Variants in NME2 observed in about 807,000 individuals in gnomAD.
The protein encoded by NME2 is nucleoside diphosphate kinase B.
A neutral mutation model predicts 17.8 loss-of-function variants in NME2; 18 were observed. That is an observed-to-expected ratio of 1.01 (90% CI 0.70 to 1.50). The LOEUF (loss-of-function observed/expected upper bound fraction) is 1.50. Among genes scored for constraint, NME2 ranks in the 40% most tolerant of loss-of-function variants. NME2 has a pLI of 0.00. For synonymous variants in NME2, 74 were observed against 71.4 expected (o/e 1.04, Z -0.19); for missense variants, 161 against 195.6 (o/e 0.82, Z 1.05).
chr17:51,168,263 C>G lies in NME2; in HGVS notation c.148C>G (p.Gln50Glu). The G allele has an allele frequency of 6.2e-7, 1 of 1,613,892 alleles. No individual in the cohort carries two copies. The highest frequency in any genetic ancestry group is 8.5e-7 in the Non-Finnish European group (1 of 1,179,870). ...CCAGGCCTCTGAAGAACACCTGAAG[C>G]AGCACTACATTGACCTGAAAGACCG... is the stretch of plus-strand genomic sequence containing the variant. ...FLRASEEHLK[Q>E]HYIDLKDRPF... Residue 50 changes from glutamine (Q) to glutamate (E), a missense_variant, in exon 3 of 5, where the codon CAG becomes GAG. By Grantham distance (29) the Gln-to-Glu change is conservative. Coordinates refer to ENST00000512737, the MANE Select transcript of NME2 (RefSeq NM_002512.4).
intron 3 of NME2, 113 bp from the exon 4 acceptor site, chr17:51,169,824 A>C: frequency 1.1e-6 from 1 of 919,332 alleles, no homozygotes; most frequent in Non-Finnish European, 1.7e-6. Flanking sequence ...GTTAGCTGAT[A>C]ATCATGTCAC....
intron 1 of NME2, 133 bp from the exon 2 acceptor site, chr17:51,166,694 G>A (rs2049946583): frequency 1.0e-6 from 1 of 964,730 alleles, no homozygotes; most frequent in Non-Finnish European, 1.4e-6. Context: ...TGCGCGGGGC[G>A]GAAGCGGCCG....
At chr17:51,167,294 C>T (rs1259577856) in intron 2 of NME2, 1 of 360,782 alleles carries the variant, frequency 2.8e-6, no homozygotes, top group Non-Finnish European at 5.2e-6. Context: ...TCGGGTCCAC[C>T]TAGGCACAGA....
rs2049989738 is a variant in NME2 at position 51,168,280 on chromosome 17, G to C, written c.165G>C (p.Leu55=). ...EEHLKQHYID[L]KDRPFFPGLV... ...ACCTGAAGCAGCACTACATTGACCT[G>C]AAAGACCGACCATTCTTCCCTGGGC... is the stretch of plus-strand genomic sequence containing the variant. Residue 55 remains leucine, a synonymous_variant, in exon 3 of 5, where the codon CTG becomes CTC. Coordinates refer to ENST00000512737, the MANE Select transcript of NME2 (RefSeq NM_002512.4). 6 of 1,614,022 alleles carry C rather than the reference G, an allele frequency of 3.7e-6. No individual in the cohort carries two copies. The East Asian group carries it at 1.1e-4, about 30-fold the overall frequency.
chr17:51,167,269 C>G, intron 2 of NME2: 1 of 400,526 alleles, frequency 2.5e-6, no homozygotes, highest in Non-Finnish European at 4.6e-6. Flanking sequence ...CCCCAGACCC[C>G]CTGCGCCTGC....
chr17:51,166,714 G>C, intron 1 of NME2, 113 bp from the exon 2 acceptor site: 1 of 1,181,178 alleles, frequency 8.5e-7, no homozygotes, highest in Non-Finnish European at 1.1e-6. Flanking sequence ...GGGAAGCCAC[G>C]TGTCCCCGCG....
At chr17:51,169,832 C>CT (rs1429691202) in intron 3 of NME2, 105 bp from the exon 4 acceptor site, 1 of 992,586 alleles carries the variant, frequency 1.0e-6, no homozygotes, top group Non-Finnish European at 1.6e-6. Context: ...ATAATCATGT[C>CT]ACTGATCGGT....
intron 4 of NME2, 131 bp downstream of exon 4, chr17:51,170,180 C>A: frequency 1.4e-6 from 1 of 708,046 alleles, no homozygotes; most frequent in Non-Finnish European, 2.2e-6. Context: ...GAGTCTCCTT[C>A]TGCCTAGCTG....
chr17:51,166,046 G>A (rs79551890), upstream of NME2: 791 of 153,144 alleles, frequency 5.2e-3, 6 homozygotes, highest in African/African-American at 0.018. Flanking sequence ...TAATGCCGGT[G>A]CTCGGGCGGA....
chr17:51,168,479 T>G lies in NME2; in HGVS notation c.228+136T>G. Reference sequence around the variant, plus strand: ...GTTACTTAACTGAGCAACTAGGAGCTTGGGAGGAGAAAGCAAATCAGACCT... The same window carrying G: ...GTTACTTAACTGAGCAACTAGGAGCGTGGGAGGAGAAAGCAAATCAGACCT... On this transcript the variant is annotated intron_variant, in intron 3 of 4. Coordinates refer to ENST00000512737, the MANE Select transcript of NME2 (RefSeq NM_002512.4). 7.0e-6 allele frequency: 6 copies of G among 853,280 alleles called. No homozygotes were observed. The South Asian group carries it at 8.6e-5, about 12-fold the overall frequency. 52.9% of individuals were successfully genotyped at this position (853,280 alleles called of 1,614,324 possible). A position where few individuals can be genotyped will look rare whatever the true frequency, so the allele number is the denominator to read the frequency against.
rs747418949 is a variant in NME2 at position 51,170,063 on chromosome 17, CAGG to C, written c.341+18_341+20del. 2.1e-5 allele frequency: 33 copies of C among 1,595,674 alleles called. No homozygotes were observed. Among genetic ancestry groups the C allele is most frequent in the Non-Finnish European group, 2.8e-5 (33 of 1,171,038 alleles). On this transcript the variant is annotated intron_variant, in intron 4 of 4. Transcript: ENST00000512737. ...TCAGGTTGGCAGGTAAGTCCGGGGACAGGAGGGTGGATGACTTTTATGCAACAC... is the reference window on the plus strand; with the variant it reads ...TCAGGTTGGCAGGTAAGTCCGGGGACAGGGTGGATGACTTTTATGCAACAC...
At chr17:51,171,419 T>C (rs766083734) in intron 4 of NME2, 68 bp from the exon 5 acceptor site, 1 of 1,395,922 alleles carries the variant, frequency 7.2e-7, no homozygotes. Flanking sequence ...GTGCTGTCCA[T>C]TGCGGTACCC....
chr17:51,169,767 A>T, intron 3 of NME2, 170 bp from the exon 4 acceptor site: 1 of 568,856 alleles, frequency 1.8e-6, no homozygotes, highest in South Asian at 2.3e-5. Context: ...AATCCTAGCA[A>T]TACGTTTGGA....
At chr17:51,166,798 G>A (rs929304765) in intron 1 of NME2, 29 bp from the exon 2 acceptor site, 13 of 1,585,164 alleles carry the variant, frequency 8.2e-6, no homozygotes, top group Admixed American at 1.8e-5. Context: ...GCCTGCGCCC[G>A]GGCCCTGACC....
intron 4 of NME2, 93 bp downstream of exon 4, chr17:51,170,142 C>CT (rs112707943): frequency 0.13 from 80,942 of 609,114 alleles, 1 homozygote; most frequent in South Asian, 0.18. Context: ...AATCTGTGCC[C>CT]TTTTTTTTTT....
chr17:51,167,009 T>TC (rs2049957477), intron 2 of NME2, 53 bp downstream of exon 2: 1 of 1,608,392 alleles, frequency 6.2e-7, no homozygotes, highest in Admixed American at 1.7e-5. Context: ...CGGGTGTTTT[T>TC]CCCTCCCGGC....
chr17:51,170,067 A>G lies in NME2; in HGVS notation c.341+18A>G, dbSNP rs776953730. 1 of 1,585,254 alleles carries G rather than the reference A, an allele frequency of 6.3e-7. No individual in the cohort carries two copies. The highest frequency in any genetic ancestry group is 1.8e-5 in the Admixed American group (1 of 56,274). On this transcript the variant is annotated intron_variant, in intron 4 of 4. Coordinates refer to ENST00000512737, the MANE Select transcript of NME2 (RefSeq NM_002512.4). ...GTTGGCAGGTAAGTCCGGGGACAGG[A>G]GGGTGGATGACTTTTATGCAACACC...
chr17:51,166,630 C>G (rs942122683), intron 1 of NME2, 133 bp downstream of exon 1: 1 of 402,744 alleles, frequency 2.5e-6, no homozygotes, highest in Non-Finnish European at 4.0e-6. Context: ...GCGGGAGATT[C>G]CCTTGCAGCT....
chr17:51,171,675 G>A lies in NME2; in HGVS notation c.*71G>A. On this transcript the variant is annotated 3_prime_UTR_variant, in exon 5 of 5. Transcript: ENST00000512737. ...CCTGGACACAGCTCTTCATTCCATT[G>A]ACTTAGAGGCAACAGGATTGATCAT... The A allele has an allele frequency of 8.7e-7, 1 of 1,144,046 alleles. No homozygotes were observed. 70.9% of individuals were successfully genotyped at this position (1,144,046 alleles called of 1,614,324 possible).
Sources: gnomAD v4.1 joint callset for allele counts on GRCh38, gnomAD v4.1.1 for gene constraint, MANE v1.5 for transcripts, NCBI Gene and HGNC (gene_info 2026-07-23, HGNC 2026-07-21) for gene names.